LRMDA: variants seen among roughly 807,000 people sequenced by gnomAD.
The protein encoded by LRMDA is leucine rich melanocyte differentiation associated.
In LRMDA, 18 loss-of-function variants were observed where a neutral mutation model predicts 29.8. The observed-to-expected ratio is 0.60, with a 90% CI of 0.42 to 0.90. The LOEUF (loss-of-function observed/expected upper bound fraction) is 0.90, where lower values mean the gene tolerates loss of function less well. LRMDA is among the 40% of genes least tolerant of loss of function. LRMDA has a pLI of 0.00. For synonymous variants in LRMDA, 125 were observed against 109.4 expected (o/e 1.14, Z -0.89); for missense variants, 273 against 273.9 (o/e 1.00, Z 0.02).
intron 2 of LRMDA, among the ~76,000 whole-genome samples, chr10:75,598,192 AGCAT>A (rs1372695839): frequency 7.9e-5 from 12 of 152,204 alleles, no homozygotes; most frequent in Non-Finnish European, 1.8e-4. Context: ...CATGTTTAGC[AGCAT>A]CCTGTTCATG....
intron 2 of LRMDA, among the ~76,000 whole-genome samples, chr10:75,502,247 G>A (rs996878102): frequency 8.5e-5 from 13 of 152,188 alleles, no homozygotes; most frequent in East Asian, 1.9e-4. Flanking sequence ...GTCCAACTGC[G>A]TGCCCAGGAA....
chr10:75,672,583 T>TCCCCTA (rs1841910409), intron 2 of LRMDA, among the ~76,000 whole-genome samples: 1 of 41,986 alleles, frequency 2.4e-5, no homozygotes, highest in African/African-American at 1.9e-4. Context: ...TCCCTTCCCT[T>TCCCCTA]CCCTGCTTTT....
intron 5 of LRMDA, among the ~76,000 whole-genome samples, chr10:76,175,934 A>G (rs1850925405): frequency 6.6e-6 from 1 of 152,186 alleles, no homozygotes; most frequent in Non-Finnish European, 1.5e-5. Flanking sequence ...GAACAGAAAC[A>G]GGGCCACAGC....
chr10:75,739,255 A>G (rs1317166979), intron 2 of LRMDA, among the ~76,000 whole-genome samples: 1 of 152,248 alleles, frequency 6.6e-6, no homozygotes, highest in Non-Finnish European at 1.5e-5. Context: ...TTATATGGGC[A>G]TTAGCGAATG....
At chr10:76,284,350 T>C (rs111530487) in intron 5 of LRMDA, among the ~76,000 whole-genome samples, 2,241 of 152,142 alleles carry the variant, frequency 0.015, 49 homozygotes, top group East Asian at 0.077. Context: ...TGGAGCAATG[T>C]GCTTTTGAAA....
intron 5 of LRMDA, among the ~76,000 whole-genome samples, chr10:76,202,567 T>A (rs1444181627): frequency 1.3e-5 from 2 of 152,146 alleles, no homozygotes; most frequent in Admixed American, 1.3e-4. Context: ...CAGGTGTGTG[T>A]TCACCAAAAT....
chr10:75,513,616 C>G (rs1845253438), intron 2 of LRMDA, among the ~76,000 whole-genome samples: 1 of 152,208 alleles, frequency 6.6e-6, no homozygotes, highest in African/African-American at 2.4e-5. Context: ...CAGCAGGGCC[C>G]TCTTCCCTCT....
chr10:76,210,257 A>G (rs138191381), intron 5 of LRMDA, among the ~76,000 whole-genome samples: 38 of 152,324 alleles, frequency 2.5e-4, no homozygotes, highest in Middle Eastern at 3.4e-3. Context: ...AAGCCCTGCT[A>G]CTACAACAAG....
rs141512474 is a variant in LRMDA at position 76,063,389 on chromosome 10, A to G, written c.516+4606A>G. ...AATCTCTCTGTGTGTATACATATGC[A>G]TGTTCTGGGAGGTATGTGTACACCA... is the stretch of plus-strand genomic sequence containing the variant. On this transcript the variant is annotated intron_variant, in intron 5 of 6. Transcript: ENST00000611255. Among the ~76,000 whole-genome samples the G allele has an allele frequency of 5.2e-4, 79 of 152,274 alleles. No homozygotes were observed. The East Asian group carries it at 0.014, about 28-fold the overall frequency.
intron 5 of LRMDA, among the ~76,000 whole-genome samples, chr10:76,263,714 A>G (rs896860976): frequency 2.0e-5 from 3 of 152,188 alleles, no homozygotes; most frequent in South Asian, 2.1e-4. Flanking sequence ...CAAGAATAAT[A>G]TGTAGGGGTA....
At chr10:75,892,168 T>C (rs542813361) in intron 2 of LRMDA, among the ~76,000 whole-genome samples, 1 of 152,240 alleles carries the variant, frequency 6.6e-6, no homozygotes, top group East Asian at 1.9e-4. Flanking sequence ...TTGCTCGTTA[T>C]ATTCCTTGTC....
chr10:75,793,553 A>G (rs1397896869), intron 2 of LRMDA, among the ~76,000 whole-genome samples: 1 of 152,246 alleles, frequency 6.6e-6, no homozygotes, highest in African/African-American at 2.4e-5. Context: ...TTTCAGGCAC[A>G]TGTATAAACA....
intron 2 of LRMDA, chr10:75,450,267 A>T (rs1274403671): frequency 6.6e-6 from 1 of 152,010 alleles, no homozygotes; most frequent in Non-Finnish European, 1.5e-5. Context: ...GGTTTCGCGT[A>T]GAGTGTTTTT....
intron 5 of LRMDA, among the ~76,000 whole-genome samples, chr10:76,059,661 A>G (rs1848673224): frequency 6.6e-6 from 1 of 152,186 alleles, no homozygotes; most frequent in Admixed American, 6.5e-5. Flanking sequence ...AGTCTAGTTT[A>G]TCCTCAGCTA....
At chr10:76,287,882 G>A (rs1156726612) in intron 5 of LRMDA, among the ~76,000 whole-genome samples, 3 of 152,138 alleles carry the variant, frequency 2.0e-5, no homozygotes, top group African/African-American at 4.8e-5. Flanking sequence ...GCTGCACTAC[G>A]TGGTTTGGGA....
chr10:75,471,081 A>G (rs987153312), intron 2 of LRMDA, among the ~76,000 whole-genome samples: 2 of 152,220 alleles, frequency 1.3e-5, no homozygotes, highest in African/African-American at 4.8e-5. Context: ...AGAGAGGAGA[A>G]GGAATGATTA....
chr10:76,399,308 C>T (rs1420692264), intron 6 of LRMDA, among the ~76,000 whole-genome samples: 4 of 152,282 alleles, frequency 2.6e-5, no homozygotes, highest in African/African-American at 4.8e-5. Context: ...GATCAGTTTT[C>T]GAAGTAGTTG....
chr10:76,015,789 T>A (rs561609189), intron 2 of LRMDA, among the ~76,000 whole-genome samples: 1 of 152,370 alleles, frequency 6.6e-6, no homozygotes, highest in Admixed American at 6.5e-5. Context: ...ATTGGCTATC[T>A]TTAATCATTA....
rs73281440 is a variant in LRMDA at position 75,976,306 on chromosome 10, T to C, written c.132-59702T>C. Among the ~76,000 whole-genome samples, 4 of 152,378 alleles carry C rather than the reference T, an allele frequency of 2.6e-5. No individual in the cohort carries two copies. The East Asian group carries it at 7.7e-4, about 29-fold the overall frequency. ...CTATTCCTTTTGTATACAACATTCT[T>C]GGTTAAGTTGGTCCCTTCTTATCTT... is the stretch of plus-strand genomic sequence containing the variant. On this transcript the variant is annotated intron_variant, in intron 2 of 6. Transcript: ENST00000611255.
Sources: allele counts gnomAD v4.1 joint callset (sites outside exome capture counted in the v4.1 genomes callset), GRCh38; gene constraint gnomAD v4.1.1; transcripts MANE v1.5; gene names NCBI Gene and HGNC (gene_info 2026-07-23, HGNC 2026-07-21).